The following ADAMTS16 variants were observed in gnomAD, a reference collection of about 807,000 sequenced individuals.
ADAMTS16 encodes A disintegrin and metalloproteinase with thrombospondin motifs 16.
Under a neutral mutation model 145.8 loss-of-function variants are expected in ADAMTS16, and 94 were observed. The observed-to-expected ratio is 0.64, with a 90% CI of 0.55 to 0.77. The LOEUF (loss-of-function observed/expected upper bound fraction) is 0.77. Among genes scored for constraint, ADAMTS16 ranks in the 30% least tolerant of loss-of-function variants. The pLI is 0.00. For synonymous variants in ADAMTS16, 659 were observed against 604.3 expected (o/e 1.09, Z -1.33); for missense variants, 1,585 against 1,591.5 (o/e 1.00, Z 0.07).
rs764257552 is a variant in ADAMTS16 at position 5,209,130 on chromosome 5, C to A, written c.1489C>A (p.Pro497Thr). 38 of 1,613,754 alleles carry A rather than the reference C, an allele frequency of 2.4e-5. No individual in the cohort carries two copies. In the South Asian group the frequency reaches 4.0e-4, roughly 17 times the overall value. The change falls in exon 10 of 23, where the codon CCT becomes ACT. Residue 497 changes from proline (P) to threonine (T), a missense_variant. Around this residue, in one of 3 missense-constraint regions of ADAMTS16, gnomAD observed 298 missense variants for 367.6 expected, o/e 0.81. Transcript: ENST00000274181. ...QAICLADQPK[P>T]VKEYKYPEKL... ...TATCTGCCTTGCTGATCAGCCAAAG[C>A]CTGTGAAGGAATACAAGTATCCTGA...
At chr5:5,171,725 C>T (rs899488699) in intron 3 of ADAMTS16, among the ~76,000 whole-genome samples, 7 of 151,908 alleles carry the variant, frequency 4.6e-5, no homozygotes, top group African/African-American at 4.8e-5. Flanking sequence ...ATTGGCTTGT[C>T]GTTTCCTTTT....
rs1740368603 is a variant in ADAMTS16 at position 5,310,282 on chromosome 5, A to T, written c.3411+3554A>T. ...ACCCACACTGCGCAGCCCATCTCTC[A>T]TCCTTCCTAGCCCCCAATTCCCTTT... On this transcript the variant is annotated intron_variant, in intron 21 of 22. Coordinates refer to ENST00000274181, the MANE Select transcript of ADAMTS16 (RefSeq NM_139056.4). This position sits in a 1 kb window ranked among gnomAD's most constrained non-coding sequence, Gnocchi z 4.3. Among the ~76,000 whole-genome samples the T allele has an allele frequency of 6.6e-6, 1 of 151,786 alleles. No homozygotes were observed. Among genetic ancestry groups the T allele is most frequent in the South Asian group, 2.1e-4 (1 of 4,800 alleles).
At chr5:5,154,679 G>A (rs760095549) in intron 3 of ADAMTS16, among the ~76,000 whole-genome samples, 30 of 152,242 alleles carry the variant, frequency 2.0e-4, no homozygotes, top group South Asian at 1.0e-3. Context: ...TCTAGGGTGC[G>A]TGTCTTCAGA....
Position 5,193,162 on chromosome 5 carries a change from T to TGC in ADAMTS16, c.1313+1381_1313+1382dup, listed in dbSNP as rs1194988659. On this transcript the variant is annotated intron_variant, in intron 8 of 22. Coordinates refer to ENST00000274181, the MANE Select transcript of ADAMTS16 (RefSeq NM_139056.4). Reference sequence around the variant, plus strand: ...CAGTGTGTGTGTGTGTGTGTGTGTGTGCGCGCGCGCACATATACGTGTACA... The same window carrying TGC: ...CAGTGTGTGTGTGTGTGTGTGTGTGTGCGCGCGCGCGCACATATACGTGTACA... Among the ~76,000 whole-genome samples, 71 of 107,058 alleles carry TGC rather than the reference T, an allele frequency of 6.6e-4. 1 individual carries two copies. The highest frequency in any genetic ancestry group is 2.0e-3 in the African/African-American group (66 of 32,254). 70.2% of individuals were successfully genotyped at this position (107,058 alleles called of 152,430 possible).
chr5:5,293,328 T>C (rs578066604), intron 18 of ADAMTS16, among the ~76,000 whole-genome samples: 2 of 152,296 alleles, frequency 1.3e-5, no homozygotes, highest in Admixed American at 6.5e-5. Flanking sequence ...GTCCTTTGTG[T>C]GAGAAGAAAA....
At chr5:5,262,379 A>G (rs560727198) in intron 17 of ADAMTS16, among the ~76,000 whole-genome samples, 1 of 152,372 alleles carries the variant, frequency 6.6e-6, no homozygotes, top group Admixed American at 6.5e-5. Context: ...CAAATGTATG[A>G]TGACATCAAT....
At chr5:5,258,812 GTGCA>G (rs1476741522) in intron 17 of ADAMTS16, among the ~76,000 whole-genome samples, 1 of 151,982 alleles carries the variant, frequency 6.6e-6, no homozygotes, top group Non-Finnish European at 1.5e-5. Context: ...GCAGGAATGT[GTGCA>G]TGCATATGTA....
intron 18 of ADAMTS16, among the ~76,000 whole-genome samples, chr5:5,290,541 G>A (rs1246779546): frequency 1.3e-5 from 2 of 152,242 alleles, no homozygotes; most frequent in South Asian, 4.1e-4. Context: ...TGTAATCCCA[G>A]CTACTCAGGA....
chr5:5,301,009 G>A (rs967602663), intron 18 of ADAMTS16, among the ~76,000 whole-genome samples: 3 of 152,094 alleles, frequency 2.0e-5, no homozygotes, highest in Non-Finnish European at 2.9e-5. Flanking sequence ...GTTTATAAAG[G>A]CTTTGAAGTA....
At chr5:5,233,495 C>A (rs1737000657) in intron 12 of ADAMTS16, among the ~76,000 whole-genome samples, 1 of 152,154 alleles carries the variant, frequency 6.6e-6, no homozygotes. Context: ...TCCTCCCACC[C>A]TCCACCTTCC....
chr5:5,288,088 A>G (rs1739169654), intron 18 of ADAMTS16, among the ~76,000 whole-genome samples: 1 of 152,202 alleles, frequency 6.6e-6, no homozygotes, highest in Admixed American at 6.5e-5. Flanking sequence ...GGAGGCCATC[A>G]TTTTAAAATC....
intron 3 of ADAMTS16, among the ~76,000 whole-genome samples, chr5:5,164,477 G>A (rs1734814237): frequency 6.6e-6 from 1 of 152,182 alleles, no homozygotes; most frequent in African/African-American, 2.4e-5. Context: ...CCTTCAGTCA[G>A]CCTTCTGAGT....
At chr5:5,156,034 G>A (rs576141672) in intron 3 of ADAMTS16, among the ~76,000 whole-genome samples, 15 of 152,180 alleles carry the variant, frequency 9.9e-5, no homozygotes, top group African/African-American at 2.7e-4. Context: ...GAAGTGAGGC[G>A]TAGACAGTCC....
At chr5:5,271,224 A>G (rs563397737) in intron 18 of ADAMTS16, among the ~76,000 whole-genome samples, 18 of 152,286 alleles carry the variant, frequency 1.2e-4, no homozygotes, top group African/African-American at 4.3e-4. Flanking sequence ...CCTAAGTCCT[A>G]AATCTCTGCA....
At chr5:5,304,981 AT>A (rs1173780561) in intron 20 of ADAMTS16, among the ~76,000 whole-genome samples, 940 of 87,576 alleles carry the variant, frequency 0.011, 56 homozygotes, top group African/African-American at 0.043. Context: ...ACACACACAC[AT>A]CCTACACCAC....
intron 18 of ADAMTS16, among the ~76,000 whole-genome samples, chr5:5,290,485 T>C (rs906579679): frequency 2.0e-5 from 3 of 152,106 alleles, no homozygotes; most frequent in African/African-American, 7.2e-5. Flanking sequence ...TAAAACCCTG[T>C]CTCTACTAAA....
chr5:5,175,440 C>T (rs763853892), intron 3 of ADAMTS16, among the ~76,000 whole-genome samples: 1 of 152,190 alleles, frequency 6.6e-6, no homozygotes, highest in Non-Finnish European at 1.5e-5. Flanking sequence ...AGGAGTCTGT[C>T]TCAGAGTGGC....
chr5:5,239,778 C>T lies in ADAMTS16; in HGVS notation c.2376C>T (p.Leu792=), dbSNP rs575518393. The T allele has an allele frequency of 6.2e-6, 10 of 1,614,156 alleles. No individual in the cohort carries two copies. The South Asian group carries it at 9.9e-5, about 16-fold the overall frequency. The change falls in exon 16 of 23, where the codon CTC becomes CTT. Residue 792 remains leucine (L), a synonymous_variant. Coordinates refer to ENST00000274181, the MANE Select transcript of ADAMTS16 (RefSeq NM_139056.4). ...STSYISVRNA[L]RRYYLNGHWT... Reference sequence around the variant, plus strand: ...CCTACATTTCTGTGCGCAATGCCCTCAGAAGGTACTACCTGAATGGGCACT... The same window carrying T: ...CCTACATTTCTGTGCGCAATGCCCTTAGAAGGTACTACCTGAATGGGCACT...
intron 12 of ADAMTS16, among the ~76,000 whole-genome samples, chr5:5,232,977 G>A (rs927194170): frequency 6.6e-6 from 1 of 151,992 alleles, no homozygotes; most frequent in Non-Finnish European, 1.5e-5. Context: ...TTTCACTCAA[G>A]CATTTCTTAA....
Sources: gnomAD v4.1 joint callset for allele counts (sites outside exome capture counted in the v4.1 genomes callset) on GRCh38, gnomAD v4.1.1 for gene constraint, gnomAD v4.1.1 regional missense constraint, Gnocchi (gnomAD v3.1) non-coding constraint, MANE v1.5 for transcripts, NCBI Gene and HGNC (gene_info 2026-07-23, HGNC 2026-07-21) for gene names.